TANK: variants seen among roughly 807,000 people sequenced by gnomAD.
TANK encodes TRAF family member associated NFKB activator, also known as TRAF family member-associated NF-kappa-B activator.
In TANK, 15 loss-of-function variants were observed where a neutral mutation model predicts 43.6. The ratio of observed to expected loss-of-function variants is 0.34; its 90% CI spans 0.23 to 0.53. The LOEUF (loss-of-function observed/expected upper bound fraction) is 0.53. TANK is among the 20% of genes least tolerant of loss of function. The pLI, the probability that TANK is intolerant of heterozygous loss-of-function variation, is 0.94. For synonymous variants in TANK, 162 were observed against 178.2 expected (o/e 0.91, Z 0.73); for missense variants, 417 against 498.6 (o/e 0.84, Z 1.56).
intron 1 of TANK, among the ~76,000 whole-genome samples, chr2:161,171,518 G>A (rs1684937356): frequency 6.6e-6 from 1 of 152,208 alleles, no homozygotes; most frequent in Non-Finnish European, 1.5e-5. Context: ...TCCTGTGCCA[G>A]TGGTTAAGAG....
intron 1 of TANK, chr2:161,161,397 C>T (rs920667891): frequency 1.0e-5 from 16 of 1,550,678 alleles, no homozygotes; most frequent in Non-Finnish European, 1.4e-5. Flanking sequence ...GGTTGGAATA[C>T]ACACCCAAAC....
intron 4 of TANK, among the ~76,000 whole-genome samples, chr2:161,217,786 C>A (rs1273729521): frequency 6.6e-6 from 1 of 151,788 alleles, no homozygotes; most frequent in South Asian, 2.1e-4. Context: ...TATAAAGAAC[C>A]CAGAAAATAT....
chr2:161,173,417 G>GTT (rs1443322390), intron 1 of TANK, among the ~76,000 whole-genome samples: 1 of 152,124 alleles, frequency 6.6e-6, no homozygotes, highest in Non-Finnish European at 1.5e-5. Context: ...TCGGGACTCT[G>GTT]TTTAAGTGTC....
chr2:161,141,741 T>C (rs1683753719), intron 1 of TANK, among the ~76,000 whole-genome samples: 1 of 152,178 alleles, frequency 6.6e-6, no homozygotes, highest in Non-Finnish European at 1.5e-5. Flanking sequence ...TGATGGGCAT[T>C]TGGATTGGTT....
chr2:161,160,283 G>A (rs1684347977), upstream of TANK: 2 of 471,514 alleles, frequency 4.2e-6, no homozygotes, highest in Non-Finnish European at 6.8e-6. Flanking sequence ...AGGCGGGGCG[G>A]GCAGGGGCGG....
chr2:161,231,225 G>C lies in TANK; in HGVS notation c.775G>C (p.Ala259Pro). The C allele has an allele frequency of 6.2e-7, 1 of 1,613,974 alleles. No individual in the cohort carries two copies. The highest frequency in any genetic ancestry group is 8.5e-7 in the Non-Finnish European group (1 of 1,180,030). The change falls in exon 7 of 8, where the codon GCC (alanine) becomes CCC (proline). Residue 259 changes from alanine (A) to proline (P), a missense_variant. Coordinates refer to ENST00000392749, the MANE Select transcript of TANK (RefSeq NM_001199135.3). ...TPERPGILSP[A>P]TSEAVCQEKF... The stretch of plus-strand genomic sequence containing the variant: ...AGAGAGACCCGGCATCCTTAGTCCT[G>C]CCACGTCTGAGGCAGTGTGCCAAGA...
At chr2:161,172,703 T>G (rs1399085210) in intron 1 of TANK, among the ~76,000 whole-genome samples, 1 of 152,274 alleles carries the variant, frequency 6.6e-6, no homozygotes, top group East Asian at 1.9e-4. Context: ...TGAGGCGCTT[T>G]GCTAACTAGA....
chr2:161,160,403 CA>C (rs1295416317), upstream of TANK: 21 of 1,240,800 alleles, frequency 1.7e-5, no homozygotes, highest in Non-Finnish European at 2.1e-5. Flanking sequence ...TGAACTGGAA[CA>C]AAATGCAACT....
intron 2 of TANK, among the ~76,000 whole-genome samples, chr2:161,187,107 A>G (rs1312791498): frequency 6.6e-6 from 1 of 152,172 alleles, no homozygotes; most frequent in African/African-American, 2.4e-5. Context: ...AATATATTAA[A>G]TCAGAGACAA....
Position 161,200,585 on chromosome 2 carries a change from T to A in TANK, c.100-2902T>A, listed in dbSNP as rs1172617213. 1.7e-5 allele frequency: 16 copies of A among 960,666 alleles called. 1 individual carries two copies. Among genetic ancestry groups the A allele is most frequent in the Non-Finnish European group, 2.0e-5 (16 of 807,652 alleles). The allele number at this position is 960,666 out of a possible 1,614,324, so 59.5% of individuals were successfully genotyped here. On this transcript the variant is annotated intron_variant, in intron 2 of 7. Transcript: ENST00000392749. ...CATTTTCTCAAATTACTACCTTTTT[T>A]CTAACGGTATAAGCTTCCCTTTTTA...
chr2:161,223,991 G>A lies in TANK; in HGVS notation c.404G>A (p.Arg135Lys). The A allele has an allele frequency of 6.3e-7, 1 of 1,580,036 alleles. No individual in the cohort carries two copies. Among genetic ancestry groups the A allele is most frequent in the Non-Finnish European group, 8.6e-7 (1 of 1,157,896 alleles). Residue 135 changes from arginine (R) to lysine (K), a missense_variant and splice_region_variant, in exon 5 of 8, where the codon AGG becomes AAG. Coordinates refer to ENST00000392749, the MANE Select transcript of TANK (RefSeq NM_001199135.3). ...RSLGSPLLHE[R>K]GNIEKTFWDL... ...CTTGGCAGTCCTTTGCTCCATGAAA[G>A]GTAGTTCTACATCCTTTTTTCTCAA...
At chr2:161,230,850 T>A in intron 6 of TANK, 121 bp from the exon 7 acceptor site, 1 of 770,002 alleles carries the variant, frequency 1.3e-6, no homozygotes, top group East Asian at 2.7e-5. Flanking sequence ...AAATCCCAGT[T>A]GTCTTCATTT....
intron 4 of TANK, chr2:161,208,116 G>A: frequency 2.1e-6 from 2 of 970,652 alleles, no homozygotes; most frequent in South Asian, 9.5e-5. Context: ...AATTTGTTTT[G>A]TTTAGGATTT....
chr2:161,232,687 T>C, intron 7 of TANK: 1 of 1,528,314 alleles, frequency 6.5e-7, no homozygotes, highest in Non-Finnish European at 8.8e-7. Flanking sequence ...GTTCTAATGC[T>C]TGTTACTTTT....
At chr2:161,167,778 A>C (rs1353673562) in intron 1 of TANK, among the ~76,000 whole-genome samples, 1 of 151,910 alleles carries the variant, frequency 6.6e-6, no homozygotes, top group Non-Finnish European at 1.5e-5. Flanking sequence ...GCCCGCCACC[A>C]CGACCGGCTA....
chr2:161,139,637 C>T, intron 1 of TANK: 4 of 943,234 alleles, frequency 4.2e-6, no homozygotes, highest in Non-Finnish European at 5.1e-6. Context: ...TCAAAATAAA[C>T]CAACCAAACC....
chr2:161,143,372 G>A (rs764779022), intron 1 of TANK, among the ~76,000 whole-genome samples: 26 of 152,190 alleles, frequency 1.7e-4, no homozygotes, highest in Non-Finnish European at 2.8e-4. Context: ...GAATAGGAGT[G>A]GTGAGAGAGG....
At chr2:161,144,326 T>TA (rs1181278833) in intron 1 of TANK, among the ~76,000 whole-genome samples, 1 of 152,182 alleles carries the variant, frequency 6.6e-6, no homozygotes, top group African/African-American at 2.4e-5. Flanking sequence ...GTTCTGAACT[T>TA]AGTTATTTCT....
At position 161,185,698 on chromosome 2, in the gene TANK, T is replaced by A. The variant is rs945231883; in HGVS notation, c.99+5937T>A. 3.9e-4 allele frequency among the ~76,000 whole-genome samples: 46 copies of A among 117,576 alleles called. 1 individual carries two copies. The highest frequency in any genetic ancestry group is 1.5e-3 in the African/African-American group (46 of 30,068). 77.1% of individuals were successfully genotyped at this position (117,576 alleles called of 152,430 possible). ...GGACACAGGAAGGGGAATATCACAC[T>A]CTGGGGACTGTGGTGGGGTGGGGGG... On this transcript the variant is annotated intron_variant, in intron 2 of 7. Coordinates refer to ENST00000392749, the MANE Select transcript of TANK (RefSeq NM_001199135.3).
Sources: allele counts gnomAD v4.1 joint callset (sites outside exome capture counted in the v4.1 genomes callset), GRCh38; gene constraint gnomAD v4.1.1; transcripts MANE v1.5; gene names NCBI Gene and HGNC (gene_info 2026-07-23, HGNC 2026-07-21).